The following FBXL13 variants were observed in gnomAD, a reference collection of about 807,000 sequenced individuals.
FBXL13 encodes F-box and leucine rich repeat protein 13.
Under a neutral mutation model 83.6 loss-of-function variants are expected in FBXL13, and 67 were observed. The observed-to-expected ratio is 0.80, with a 90% confidence interval of 0.66 to 0.98. The LOEUF (loss-of-function observed/expected upper bound fraction) is 0.98. Ranked by LOEUF, FBXL13 falls within the 50% of genes least tolerant of loss-of-function variation. The pLI, the probability that FBXL13 is intolerant of heterozygous loss-of-function variation, is 0.00. For synonymous variants in FBXL13, 272 were observed against 299.5 expected (o/e 0.91, Z 0.95); for missense variants, 822 against 866.5 (o/e 0.95, Z 0.64).
intron 6 of FBXL13, among the ~76,000 whole-genome samples, chr7:102,984,222 C>A (rs961331030): frequency 6.6e-6 from 1 of 152,128 alleles, no homozygotes; most frequent in Admixed American, 6.5e-5. Context: ...ATTCTAGGAA[C>A]CTAAAAACCA....
chr7:103,050,817 C>G (rs1363437004), intron 2 of FBXL13, among the ~76,000 whole-genome samples: 1 of 152,226 alleles, frequency 6.6e-6, no homozygotes, highest in African/African-American at 2.4e-5. Context: ...GTCCCATGGT[C>G]CTGTACATGC....
At chr7:103,047,964 G>A (rs1288343142) in intron 2 of FBXL13, among the ~76,000 whole-genome samples, 1 of 152,112 alleles carries the variant, frequency 6.6e-6, no homozygotes, top group Admixed American at 6.6e-5. Flanking sequence ...CCAAAGTGTT[G>A]GGATTACAGG....
chr7:103,074,754 T>C, upstream of FBXL13: 2 of 1,289,808 alleles, frequency 1.6e-6, no homozygotes, highest in Non-Finnish European at 1.0e-6. Context: ...CGGGTTGGCA[T>C]TGCGTAGCGA....
At chr7:102,979,599 A>C (rs1236592843) in intron 6 of FBXL13, among the ~76,000 whole-genome samples, 1 of 152,212 alleles carries the variant, frequency 6.6e-6, no homozygotes, top group Non-Finnish European at 1.5e-5. Context: ...AAGACAGCAA[A>C]TACCTCTGAG....
chr7:103,023,275 C>CAAACA (rs1273541312), intron 6 of FBXL13, among the ~76,000 whole-genome samples: 15 of 151,640 alleles, frequency 9.9e-5, no homozygotes, highest in South Asian at 2.1e-4. Context: ...GACTCCGTCT[C>CAAACA]AAACAAAACA....
At chr7:102,908,482 C>A (rs774453179) in intron 11 of FBXL13, among the ~76,000 whole-genome samples, 4 of 152,300 alleles carry the variant, frequency 2.6e-5, no homozygotes, top group Admixed American at 2.0e-4. Context: ...TCTTCGGTGT[C>A]TGGGCATTGA....
At chr7:102,835,674 A>T (rs1337457041) in intron 17 of FBXL13, among the ~76,000 whole-genome samples, 1 of 113,678 alleles carries the variant, frequency 8.8e-6, no homozygotes. Context: ...CAGTGGCGCA[A>T]TCTCGGCTCA....
chr7:102,890,971 T>G (rs1325665631), intron 11 of FBXL13, among the ~76,000 whole-genome samples: 2 of 152,214 alleles, frequency 1.3e-5, no homozygotes, highest in South Asian at 2.1e-4. Context: ...GTCCTCTTAG[T>G]GAACTCAAAG....
chr7:102,993,286 G>T (rs1191285996), intron 6 of FBXL13, among the ~76,000 whole-genome samples: 1 of 152,130 alleles, frequency 6.6e-6, no homozygotes, highest in African/African-American at 2.4e-5. Context: ...TGAACCATCT[G>T]GCTCTTTTAC....
At chr7:102,944,413 T>A in intron 8 of FBXL13, 1 of 1,614,024 alleles carries the variant, frequency 6.2e-7, no homozygotes, top group Non-Finnish European at 8.5e-7. Flanking sequence ...TGGCCTGGAA[T>A]GCAAAACGCC....
intron 2 of FBXL13, among the ~76,000 whole-genome samples, chr7:103,042,302 T>C (rs1443257677): frequency 6.6e-6 from 1 of 152,072 alleles, no homozygotes; most frequent in African/African-American, 2.4e-5. Context: ...AACTACAAAC[T>C]ACTGCTCAAC....
intron 6 of FBXL13, among the ~76,000 whole-genome samples, chr7:102,993,113 C>G (rs546140308): frequency 2.0e-5 from 3 of 152,350 alleles, no homozygotes; most frequent in Admixed American, 2.0e-4. Context: ...CTTTCCTTAT[C>G]TGAAGTTCAC....
At chr7:103,004,594 T>C (rs1349573314) in intron 6 of FBXL13, among the ~76,000 whole-genome samples, 1 of 152,176 alleles carries the variant, frequency 6.6e-6, no homozygotes, top group Non-Finnish European at 1.5e-5. Flanking sequence ...ACAAGAACAG[T>C]TTTCCTGCAA....
chr7:103,047,123 G>A (rs909955864), intron 2 of FBXL13: 6 of 152,230 alleles, frequency 3.9e-5, no homozygotes, highest in South Asian at 2.1e-4. Flanking sequence ...ATGACCCATC[G>A]GATAGCCAAA....
At position 102,860,322 on chromosome 7, in the gene FBXL13, AAG is replaced by A. The variant is rs558672338; in HGVS notation, c.1636-5464_1636-5463del. ...GGAATGAATGCTTCCAGTTGGAAGA[AAG>A]AGATGGCAGTCTAGAAAAGAGTTTC... On this transcript the variant is annotated intron_variant, in intron 16 of 19. Coordinates refer to ENST00000313221, the Ensembl canonical transcript of FBXL13. Among the ~76,000 whole-genome samples the A allele has an allele frequency of 3.9e-4, 60 of 152,330 alleles. 2 individuals are homozygous for A. In the South Asian group the frequency reaches 0.011, roughly 27 times the overall value.
chr7:102,950,174 C>T (rs1585095676), intron 8 of FBXL13, among the ~76,000 whole-genome samples: 1 of 152,016 alleles, frequency 6.6e-6, no homozygotes, highest in South Asian at 2.1e-4. Flanking sequence ...GGGCCAAAGA[C>T]CTTAACAGAC....
chr7:102,922,816 CAA>C (rs936284864), intron 10 of FBXL13, among the ~76,000 whole-genome samples: 1 of 143,204 alleles, frequency 7.0e-6, no homozygotes, highest in Admixed American at 7.0e-5. Context: ...ACTAAAAATA[CAA>C]AAAAAAAAAA....
intron 7 of FBXL13, among the ~76,000 whole-genome samples, chr7:102,966,635 C>T (rs925121420): frequency 3.3e-5 from 5 of 152,130 alleles, no homozygotes; most frequent in Admixed American, 6.6e-5. Flanking sequence ...CAGTGAGGAA[C>T]GAAGCCAGGG....
At chr7:102,840,606 T>G (rs1802755484) in intron 17 of FBXL13, among the ~76,000 whole-genome samples, 1 of 152,234 alleles carries the variant, frequency 6.6e-6, no homozygotes. Context: ...CTATGACCTC[T>G]TCCATTTAAG....
Sources: gnomAD v4.1 joint callset for allele counts (sites outside exome capture counted in the v4.1 genomes callset) on GRCh38, gnomAD v4.1.1 for gene constraint, MANE v1.5 for transcripts, NCBI Gene and HGNC (gene_info 2026-07-23, HGNC 2026-07-21) for gene names.